The following FRMPD4 variants were observed in gnomAD, a reference collection of about 807,000 sequenced individuals.
The protein encoded by FRMPD4 is FERM and PDZ domain containing 4, also known as FERM and PDZ domain-containing protein 4.
A neutral mutation model predicts 94.1 loss-of-function variants in FRMPD4; 22 were observed. That is an observed-to-expected ratio of 0.23 (90% CI 0.17 to 0.33). The LOEUF is 0.33. FRMPD4 is among the 10% of genes least tolerant of loss of function. The pLI, the probability that FRMPD4 is intolerant of heterozygous loss-of-function variation, is 1.00. For missense variants in FRMPD4, 1,111 were observed against 1,339.9 expected, an observed-to-expected ratio of 0.83 and a Z score of 2.67; for synonymous variants, 631 against 548.6, an observed-to-expected ratio of 1.15 and a Z score of -2.10.
chrX:11,865,831 C>G (rs758896785), intron 2 of FRMPD4, among the ~76,000 whole-genome samples: 15 of 112,041 alleles, frequency 1.3e-4, no homozygotes, highest in African/African-American at 4.5e-4. Context: ...AATCAACTGA[C>G]TCATACAAGT....
At chrX:11,827,464 T>G (rs1215979798) in intron 1 of FRMPD4, among the ~76,000 whole-genome samples, 1 of 111,389 alleles carries the variant, frequency 9.0e-6, no homozygotes, top group African/African-American at 3.3e-5. Context: ...GAATCTGGAC[T>G]TGAGCATCAC....
intron 1 of FRMPD4, among the ~76,000 whole-genome samples, chrX:12,428,955 T>C (rs1190690948): frequency 8.9e-6 from 1 of 112,070 alleles, no homozygotes; most frequent in Non-Finnish European, 1.9e-5. Flanking sequence ...GGCTTGTGGA[T>C]TGATAGACTT....
intron 1 of FRMPD4, among the ~76,000 whole-genome samples, chrX:12,336,936 A>G (rs2055536192): frequency 9.0e-6 from 1 of 111,581 alleles, no homozygotes; most frequent in Non-Finnish European, 1.9e-5. Flanking sequence ...GCAGGTTTGA[A>G]TATGATAATA....
intron 1 of FRMPD4, among the ~76,000 whole-genome samples, chrX:12,146,236 C>T (rs1182386746): frequency 9.1e-6 from 1 of 110,038 alleles, no homozygotes; most frequent in Non-Finnish European, 1.9e-5. Context: ...TGGTGGCGGG[C>T]GCTTGTAGTC....
intron 3 of FRMPD4, among the ~76,000 whole-genome samples, chrX:12,046,674 C>T (rs913645971): frequency 8.9e-6 from 1 of 112,119 alleles, no homozygotes; most frequent in Non-Finnish European, 1.9e-5. Flanking sequence ...CAGATGAAGA[C>T]ATGTGAAGGG....
intron 3 of FRMPD4, among the ~76,000 whole-genome samples, chrX:12,106,164 A>G (rs1034370587): frequency 1.8e-5 from 2 of 112,038 alleles, no homozygotes; most frequent in Admixed American, 1.9e-4. Flanking sequence ...TTGCCATTAT[A>G]TTCTACCAAT....
At chrX:12,703,028 T>C (rs1188638859) in intron 10 of FRMPD4, among the ~76,000 whole-genome samples, 2 of 112,745 alleles carry the variant, frequency 1.8e-5, no homozygotes, top group Non-Finnish European at 3.7e-5. Flanking sequence ...TTCAGACAAT[T>C]AAAATGCATT....
intron 1 of FRMPD4, among the ~76,000 whole-genome samples, chrX:12,293,154 G>A (rs1175807959): frequency 9.0e-5 from 10 of 111,497 alleles, no homozygotes; most frequent in Admixed American, 9.6e-5. Context: ...CACGCAGCTC[G>A]CAGTAATAAT....
chrX:12,100,841 C>A (rs2055249559), intron 3 of FRMPD4, among the ~76,000 whole-genome samples: 1 of 112,059 alleles, frequency 8.9e-6, no homozygotes, highest in African/African-American at 3.2e-5. Context: ...GCTGCACATT[C>A]CTGTGCAACT....
At chrX:12,666,512 T>C (rs901845189) in intron 4 of FRMPD4, among the ~76,000 whole-genome samples, 1 of 111,557 alleles carries the variant, frequency 9.0e-6, no homozygotes, top group Non-Finnish European at 1.9e-5. Flanking sequence ...TATTCTAAAA[T>C]TGACCACTTA....
chrX:12,652,311 A>G (rs2059602617), intron 4 of FRMPD4, among the ~76,000 whole-genome samples: 1 of 112,532 alleles, frequency 8.9e-6, no homozygotes, highest in Admixed American at 9.4e-5. Context: ...CTTCATAACA[A>G]ATAATCAAGA....
chrX:12,283,812 C>T, intron 1 of FRMPD4, among the ~76,000 whole-genome samples: 1 of 111,608 alleles, frequency 9.0e-6, no homozygotes, highest in East Asian at 2.8e-4. Context: ...GAAAAATCTC[C>T]ATTTGAATGA....
At chrX:12,556,695 A>G (rs2148338287) in intron 2 of FRMPD4, among the ~76,000 whole-genome samples, 1 of 112,192 alleles carries the variant, frequency 8.9e-6, no homozygotes, top group East Asian at 2.8e-4. Context: ...GAAGACTATT[A>G]CAATTAGAAC....
At chrX:11,901,674 G>A (rs2053938726) in intron 3 of FRMPD4, among the ~76,000 whole-genome samples, 1 of 111,985 alleles carries the variant, frequency 8.9e-6, no homozygotes, top group Admixed American at 9.4e-5. Flanking sequence ...TCTCTATACT[G>A]TTTTCCACAG....
intron 1 of FRMPD4, among the ~76,000 whole-genome samples, chrX:12,458,634 G>A (rs182142883): frequency 4.5e-5 from 5 of 111,725 alleles, no homozygotes; most frequent in Non-Finnish European, 3.8e-5. Flanking sequence ...GGTTCCAAGA[G>A]GGTGAAAACA....
intron 3 of FRMPD4, among the ~76,000 whole-genome samples, chrX:11,988,473 A>C (rs1027082952): frequency 5.3e-5 from 6 of 112,254 alleles, no homozygotes; most frequent in African/African-American, 1.6e-4. Flanking sequence ...AAGACCTCAA[A>C]CTATGAAACT....
intron 1 of FRMPD4, among the ~76,000 whole-genome samples, chrX:11,843,091 T>C (rs1201112106): frequency 8.9e-6 from 1 of 112,242 alleles, no homozygotes; most frequent in Non-Finnish European, 1.9e-5. Context: ...ATTATTATGG[T>C]GCATGAAATT....
intron 3 of FRMPD4, among the ~76,000 whole-genome samples, chrX:11,970,812 C>T (rs779875650): frequency 1.9e-4 from 21 of 112,096 alleles, no homozygotes; most frequent in African/African-American, 6.8e-4. Flanking sequence ...TTATCTCATA[C>T]CACACACAGC....
At chrX:12,209,848 A>G (rs1436690700) in intron 1 of FRMPD4, among the ~76,000 whole-genome samples, 1 of 111,769 alleles carries the variant, frequency 8.9e-6, no homozygotes, top group African/African-American at 3.3e-5. Flanking sequence ...CTCAACTGTT[A>G]ATAATTGACA....
Sources: allele counts gnomAD v4.1 joint callset (sites outside exome capture counted in the v4.1 genomes callset), GRCh38; gene constraint gnomAD v4.1.1; transcripts MANE v1.5; gene names NCBI Gene and HGNC (gene_info 2026-07-23, HGNC 2026-07-21).